GRAMD4: variants seen among roughly 807,000 people sequenced by gnomAD.
The protein encoded by GRAMD4 is GRAM domain containing 4, also known as GRAM domain-containing protein 4.
A neutral mutation model predicts 83.9 loss-of-function variants in GRAMD4; 25 were observed. The observed-to-expected ratio is 0.30, with a 90% CI of 0.22 to 0.42. The LOEUF (loss-of-function observed/expected upper bound fraction) is 0.42. Ranked by LOEUF, GRAMD4 falls within the 10% of genes least tolerant of loss-of-function variation. GRAMD4 has a pLI of 1.00. For synonymous variants in GRAMD4, 336 were observed against 320.9 expected, an observed-to-expected ratio of 1.05 and a Z score of -0.50; for missense variants, 593 against 788.7, an observed-to-expected ratio of 0.75 and a Z score of 2.97.
chr22:46,666,913 C>G (rs754633034), intron 10 of GRAMD4, 40 bp downstream of exon 10: 6 of 1,449,030 alleles, frequency 4.1e-6, no homozygotes, highest in Non-Finnish European at 3.7e-6. Flanking sequence ...CCGACTGTCT[C>G]CATCACGTCA....
intron 1 of GRAMD4, among the ~76,000 whole-genome samples, chr22:46,607,840 C>G (rs1470202120): frequency 2.0e-5 from 3 of 152,172 alleles, no homozygotes; most frequent in Non-Finnish European, 4.4e-5. Flanking sequence ...CTCCCTCGTC[C>G]CGGAGTGCCC....
At chr22:46,629,039 G>A (rs2081723590) in intron 2 of GRAMD4, among the ~76,000 whole-genome samples, 1 of 152,076 alleles carries the variant, frequency 6.6e-6, no homozygotes, top group Non-Finnish European at 1.5e-5. Flanking sequence ...CAGAGGCCAG[G>A]GCAAGGTCAG....
At chr22:46,669,399 G>T (rs1050043404) in intron 13 of GRAMD4, among the ~76,000 whole-genome samples, 4 of 152,074 alleles carry the variant, frequency 2.6e-5, no homozygotes, top group African/African-American at 9.7e-5. Context: ...AGGGTGGCTG[G>T]CGGTGAGGAC....
chr22:46,615,527 G>GTGTGTGTAGGTTCCCC (rs1338311530), upstream of GRAMD4, among the ~76,000 whole-genome samples: 5 of 142,122 alleles, frequency 3.5e-5, no homozygotes, highest in South Asian at 2.3e-4. Flanking sequence ...AGGTTCCCCT[G>GTGTGTGTAGGTTCCCC]TGTGTGTAGG....
chr22:46,664,797 T>G (rs966730323), intron 8 of GRAMD4, among the ~76,000 whole-genome samples: 38 of 152,216 alleles, frequency 2.5e-4, no homozygotes, highest in African/African-American at 8.4e-4. Context: ...AGCCTGGCAC[T>G]GTCCAGGGCT....
Position 46,679,166 on chromosome 22 carries a change from C to T in GRAMD4, c.*1915C>T. ...CTCTCTCCCCAGGGCCCGGCAGTGC[C>T]CAAGGATGGGTCCGGGGCCTCGGGG... On this transcript the variant is annotated 3_prime_UTR_variant, in exon 19 of 19. Transcript: ENST00000406902. 3 of 985,416 alleles carry T rather than the reference C, an allele frequency of 3.0e-6. No homozygotes were observed. The highest frequency in any genetic ancestry group is 3.6e-6 in the Non-Finnish European group (3 of 829,882). The allele number at this position is 985,416 out of a possible 1,614,324, so 61.0% of individuals were successfully genotyped here.
chr22:46,623,152 C>G (rs889694052), intron 1 of GRAMD4, among the ~76,000 whole-genome samples: 1 of 152,100 alleles, frequency 6.6e-6, no homozygotes, highest in Non-Finnish European at 1.5e-5. Context: ...TTTTAGTTGC[C>G]TTCATCCCTT....
upstream of GRAMD4, among the ~76,000 whole-genome samples, chr22:46,576,416 G>C (rs905271267): frequency 5.3e-5 from 8 of 152,328 alleles, no homozygotes; most frequent in Non-Finnish European, 2.9e-5. Context: ...CCGGGGATAG[G>C]TGGGCTTAGA....
chr22:46,602,052 G>A (rs377437658), intron 1 of GRAMD4, among the ~76,000 whole-genome samples: 87 of 152,274 alleles, frequency 5.7e-4, no homozygotes, highest in African/African-American at 2.0e-3. Flanking sequence ...AAGTGACCAC[G>A]TCGGCGGTGG....
chr22:46,598,984 C>T (rs1775739156), intron 1 of GRAMD4, among the ~76,000 whole-genome samples: 1 of 152,062 alleles, frequency 6.6e-6, no homozygotes, highest in South Asian at 2.1e-4. Context: ...CTCTGGTGGC[C>T]TCCGGTGCCC....
intron 1 of GRAMD4, among the ~76,000 whole-genome samples, chr22:46,603,333 G>A (rs1448121388): frequency 4.1e-5 from 6 of 146,924 alleles, no homozygotes; most frequent in African/African-American, 7.6e-5. Flanking sequence ...TCAGCCTCCC[G>A]AGTAGCTGGG....
intron 1 of GRAMD4, among the ~76,000 whole-genome samples, chr22:46,588,474 G>A (rs2081173412): frequency 6.6e-6 from 1 of 152,222 alleles, no homozygotes; most frequent in Non-Finnish European, 1.5e-5. Context: ...ATTGGTATCT[G>A]CGGAGTGGGT....
chr22:46,653,891 A>G (rs1601642232), intron 3 of GRAMD4, among the ~76,000 whole-genome samples: 1 of 151,982 alleles, frequency 6.6e-6, no homozygotes, highest in Non-Finnish European at 1.5e-5. Flanking sequence ...GACTTGTCTC[A>G]CCTCTGTGTT....
intron 10 of GRAMD4, 32 bp downstream of exon 10, chr22:46,666,905 G>T: frequency 6.7e-7 from 1 of 1,489,750 alleles, no homozygotes; most frequent in South Asian, 1.3e-5. Flanking sequence ...GGTCTCCTCC[G>T]ACTGTCTCCA....
intron 3 of GRAMD4, among the ~76,000 whole-genome samples, chr22:46,651,525 C>G (rs367543895): frequency 1.3e-5 from 2 of 152,250 alleles, no homozygotes; most frequent in East Asian, 3.8e-4. Context: ...CACACGCATC[C>G]TGGTGCACCC....
chr22:46,612,509 C>T (rs1468881712), intron 1 of GRAMD4, among the ~76,000 whole-genome samples: 2 of 152,214 alleles, frequency 1.3e-5, no homozygotes, highest in African/African-American at 4.8e-5. Flanking sequence ...TGAGAATAGC[C>T]TGTAGCAGGC....
At chr22:46,593,049 CAT>C (rs140462369) in intron 1 of GRAMD4, among the ~76,000 whole-genome samples, 3,105 of 152,190 alleles carry the variant, frequency 0.02, 113 homozygotes, top group African/African-American at 0.071. Flanking sequence ...TGAACAAAAA[CAT>C]AAAAGGAATT....
intron 15 of GRAMD4, 87 bp downstream of exon 15, chr22:46,673,901 T>G: frequency 2.8e-6 from 4 of 1,454,316 alleles, no homozygotes; most frequent in Non-Finnish European, 3.8e-6. Context: ...CAGGACGGGG[T>G]CGCCCTGTGA....
chr22:46,663,748 C>T, intron 6 of GRAMD4, 90 bp from the exon 7 acceptor site: 1 of 1,280,962 alleles, frequency 7.8e-7, no homozygotes, highest in Non-Finnish European at 1.1e-6. Flanking sequence ...CCTCCCTGGC[C>T]CCTGCAGAGC....
Sources: gnomAD v4.1 joint callset for allele counts (sites outside exome capture counted in the v4.1 genomes callset) on GRCh38, gnomAD v4.1.1 for gene constraint, MANE v1.5 for transcripts, NCBI Gene and HGNC (gene_info 2026-07-23, HGNC 2026-07-21) for gene names.